CCDC33: variants seen among roughly 807,000 people sequenced by gnomAD.
CCDC33 encodes the protein coiled-coil domain-containing protein 33.
A neutral mutation model predicts 91.9 loss-of-function variants in CCDC33; 94 were observed. The observed-to-expected ratio is 1.02, with a 90% CI of 0.87 to 1.21. The LOEUF is 1.21. Among genes scored for constraint, CCDC33 ranks in the 50% most tolerant of loss-of-function variants. The pLI, the probability that CCDC33 is intolerant of heterozygous loss-of-function variation, is 0.00. For synonymous variants in CCDC33, 396 were observed against 374.5 expected, an observed-to-expected ratio of 1.06 and a Z score of -0.66; for missense variants, 940 against 935.5, an observed-to-expected ratio of 1.00 and a Z score of -0.06.
chr15:74,218,587 T>G lies in CCDC33; in HGVS notation c.401T>G (p.Val134Gly), dbSNP rs959600929. The G allele has an allele frequency of 2.3e-6, 3 of 1,289,526 alleles. No individual in the cohort carries two copies. The highest frequency in any genetic ancestry group is 4.6e-5 in the Admixed American group (2 of 43,526). 79.9% of individuals were successfully genotyped at this position (1,289,526 alleles called of 1,614,324 possible). ...CCCTTGGGACGGGCAGCCCAGCGGGTGGGTGAGGCCATCTTCCCCATCTAC... is the reference window on the plus strand; with the variant it reads ...CCCTTGGGACGGGCAGCCCAGCGGGGGGGTGAGGCCATCTTCCCCATCTAC... The change falls in exon 2 of 3, where the codon GTG becomes GGG. Residue 134 changes from valine (V) to glycine (G), a missense_variant. By Grantham distance (109) the Val-to-Gly change is moderately radical (BLOSUM62 -3). Transcript: ENST00000635913. This position sits in a 1 kb window ranked among gnomAD's most constrained non-coding sequence, Gnocchi z 4.8.
chr15:74,232,480 G>A (rs574286070), upstream of CCDC33, among the ~76,000 whole-genome samples: 1 of 152,304 alleles, frequency 6.6e-6, no homozygotes, highest in African/African-American at 2.4e-5. Context: ...CTGCCAGGCA[G>A]AGTCCAGGAA....
At chr15:74,224,135 C>T (rs1364530736) in intron 2 of CCDC33, among the ~76,000 whole-genome samples, 9 of 152,180 alleles carry the variant, frequency 5.9e-5, no homozygotes, top group Non-Finnish European at 1.3e-4. Context: ...AGACCGGCAC[C>T]ATGGCGGAGA....
chr15:74,216,041 C>G (rs976614012), upstream of CCDC33, among the ~76,000 whole-genome samples: 3 of 152,112 alleles, frequency 2.0e-5, no homozygotes, highest in African/African-American at 4.8e-5. Flanking sequence ...GATACGTGCA[C>G]AAAGGTTGGC....
intron 11 of CCDC33, among the ~76,000 whole-genome samples, chr15:74,321,845 A>G (rs1256219631): frequency 6.6e-6 from 1 of 152,186 alleles, no homozygotes; most frequent in Non-Finnish European, 1.5e-5. Context: ...TTGCCTGAGT[A>G]AGTCAGGGAG....
At chr15:74,294,159 T>C (rs984414365) in intron 10 of CCDC33, among the ~76,000 whole-genome samples, 6 of 152,304 alleles carry the variant, frequency 3.9e-5, no homozygotes, top group African/African-American at 1.2e-4. Context: ...TGAGCGCATC[T>C]GTACTGGTTG....
chr15:74,252,710 G>A (rs528684670), intron 2 of CCDC33, among the ~76,000 whole-genome samples: 54 of 152,308 alleles, frequency 3.5e-4, no homozygotes, highest in African/African-American at 1.3e-3. Context: ...CTTCCAGCAG[G>A]ATCCCCATGG....
chr15:74,324,561 G>A (rs1009468974), intron 11 of CCDC33, among the ~76,000 whole-genome samples: 6 of 151,826 alleles, frequency 4.0e-5, no homozygotes, highest in Non-Finnish European at 8.8e-5. Context: ...TGGCAATTGC[G>A]CTAGTCCTGA....
chr15:74,271,597 A>C, intron 5 of CCDC33, 106 bp from the exon 6 acceptor site: 11 of 740,366 alleles, frequency 1.5e-5, no homozygotes, highest in Middle Eastern at 2.3e-4. Context: ...GGAGGCAGCC[A>C]TGAGCTCACG....
chr15:74,316,656 G>T lies in CCDC33; in HGVS notation c.1291-13533G>T, dbSNP rs553976545. Among the ~76,000 whole-genome samples, 5 of 152,074 alleles carry T rather than the reference G, an allele frequency of 3.3e-5. No homozygotes were observed. Among genetic ancestry groups the T allele is most frequent in the Non-Finnish European group, 7.4e-5 (5 of 68,006 alleles). ...CACATCTCAGTGCCAGCCAGTGACT[G>T]GTGCCATCCAGGGAGGATGGCCGAC... On this transcript the variant is annotated intron_variant, in intron 11 of 18. Transcript: ENST00000398814. The surrounding 1 kb of genome is among the most constrained non-coding windows in gnomAD (Gnocchi z 4.7).
chr15:74,231,659 C>T (rs1023883924), upstream of CCDC33, among the ~76,000 whole-genome samples: 33 of 152,288 alleles, frequency 2.2e-4, no homozygotes, highest in African/African-American at 4.8e-4. Flanking sequence ...CCAGCTGTGC[C>T]GCCTCAAAGC....
rs768591760 is a variant in CCDC33 at position 74,295,738 on chromosome 15, C to T, written c.1096-16C>T. The T allele has an allele frequency of 1.2e-6, 2 of 1,604,470 alleles. No homozygotes were observed. Among genetic ancestry groups the T allele is most frequent in the Admixed American group, 1.7e-5 (1 of 58,920 alleles). ...AGGGGCCTGTCCTGAAGTTTCTCTG[C>T]ACCTTCTCTTCTCAGAGACCAGAAA... On this transcript the variant is annotated splice_polypyrimidine_tract_variant and intron_variant, in intron 10 of 18. Transcript: ENST00000398814.
chr15:74,309,748 T>C (rs568363031), intron 11 of CCDC33, among the ~76,000 whole-genome samples: 1 of 152,288 alleles, frequency 6.6e-6, no homozygotes, highest in Admixed American at 6.5e-5. Context: ...GGGAATCTAT[T>C]TATCCACTAC....
intron 2 of CCDC33, among the ~76,000 whole-genome samples, chr15:74,255,476 G>A (rs966872669): frequency 3.9e-5 from 6 of 152,268 alleles, no homozygotes; most frequent in Admixed American, 3.3e-4. Context: ...ATACAAAGGT[G>A]GGGACAGAGG....
Position 74,244,737 on chromosome 15 carries a change from G to A in CCDC33, c.185+589G>A, listed in dbSNP as rs906247697. On this transcript the variant is annotated intron_variant, in intron 2 of 18. Coordinates refer to ENST00000398814, the MANE Select transcript of CCDC33 (RefSeq NM_025055.5). This position sits in a 1 kb window ranked among gnomAD's most constrained non-coding sequence, Gnocchi z 4.2. ...CACGCCACGTCTATGCCCACCTCAC[G>A]GGTCTCACTTCTTCCAGAAAGGCGC... Among the ~76,000 whole-genome samples, 5 of 152,266 alleles carry A rather than the reference G, an allele frequency of 3.3e-5. No individual in the cohort carries two copies. The highest frequency in any genetic ancestry group is 6.5e-5 in the Admixed American group (1 of 15,304).
At chr15:74,235,508 A>G (rs538889907), upstream of CCDC33, among the ~76,000 whole-genome samples, 2 of 152,164 alleles carry the variant, frequency 1.3e-5, no homozygotes, top group Non-Finnish European at 2.9e-5. Context: ...ACACTTCTGA[A>G]CACTGCCCAG....
intron 5 of CCDC33, among the ~76,000 whole-genome samples, chr15:74,269,571 G>C (rs912836651): frequency 3.3e-5 from 5 of 152,180 alleles, no homozygotes; most frequent in Admixed American, 6.5e-5. Context: ...AGGAAGAGGG[G>C]CAACAGCCTG....
intron 10 of CCDC33, among the ~76,000 whole-genome samples, chr15:74,285,757 T>C (rs368394714): frequency 7.2e-5 from 11 of 152,280 alleles, no homozygotes; most frequent in African/African-American, 2.6e-4. Context: ...TGGTAGGACT[T>C]CTCTAGTCAT....
chr15:74,266,702 A>G lies in CCDC33; in HGVS notation c.344A>G (p.Asn115Ser). The change falls in exon 4 of 19, where the codon AAC becomes AGC. Residue 115 changes from asparagine (N) to serine (S), a missense_variant. Coordinates refer to ENST00000398814, the MANE Select transcript of CCDC33 (RefSeq NM_025055.5). ...GATGTGATCCTCAAGGTGGTGGACA[A>G]CAGAAAGAAACAGGAGTTGTTGTCC... ...QEDVILKVVD[N>S]RKKQELLSYK... The G allele has an allele frequency of 6.2e-7, 1 of 1,614,132 alleles. No individual in the cohort carries two copies.
intron 2 of CCDC33, among the ~76,000 whole-genome samples, chr15:74,225,227 G>A (rs1478064827): frequency 6.6e-6 from 1 of 151,712 alleles, no homozygotes; most frequent in Non-Finnish European, 1.5e-5. Flanking sequence ...AACCAGACCA[G>A]CCCCAGCCCC....
Sources: gnomAD v4.1 joint callset for allele counts (sites outside exome capture counted in the v4.1 genomes callset) on GRCh38, gnomAD v4.1.1 for gene constraint, Gnocchi (gnomAD v3.1) non-coding constraint, MANE v1.5 for transcripts, NCBI Gene and HGNC (gene_info 2026-07-23, HGNC 2026-07-21) for gene names.